BCAR3: variants seen among roughly 807,000 people sequenced by gnomAD.
BCAR3 encodes breast cancer anti-estrogen resistance protein 3.
In BCAR3, 37 loss-of-function variants were observed where a neutral mutation model predicts 80.1. That is an observed-to-expected ratio of 0.46 (90% CI 0.36 to 0.61). The LOEUF is 0.61. Among genes scored for constraint, BCAR3 ranks in the 20% least tolerant of loss-of-function variants. The pLI, the probability that BCAR3 is intolerant of heterozygous loss-of-function variation, is 0.00. For synonymous variants in BCAR3, 389 were observed against 418.9 expected, an observed-to-expected ratio of 0.93 and a Z score of 0.87; for missense variants, 978 against 1,068.2, an observed-to-expected ratio of 0.92 and a Z score of 1.18.
intron 2 of BCAR3, among the ~76,000 whole-genome samples, chr1:93,736,855 G>A (rs908763223): frequency 6.6e-6 from 1 of 152,202 alleles, no homozygotes; most frequent in Non-Finnish European, 1.5e-5. Context: ...CTTTCTGTGT[G>A]CTGGGTTTTG....
At chr1:93,658,600 C>G (rs900675373) in intron 2 of BCAR3, among the ~76,000 whole-genome samples, 1 of 152,010 alleles carries the variant, frequency 6.6e-6, no homozygotes, top group South Asian at 2.1e-4. Flanking sequence ...TGCAGTGAGC[C>G]GAGATGGCAC....
At position 93,575,931 on chromosome 1, in the gene BCAR3, G is replaced by A. The variant is rs547699703; in HGVS notation, c.1802+83C>T. 94 of 1,193,322 alleles carry A rather than the reference G, an allele frequency of 7.9e-5. 1 individual carries two copies. In the African/African-American group the frequency reaches 9.8e-4, roughly 12 times the overall value. 73.9% of individuals were successfully genotyped at this position (1,193,322 alleles called of 1,614,324 possible). Reference sequence around the variant, plus strand: ...TACCCCAGGGCTAGGCTGGTGCTGCGCCTCTCTTTGTTCTAAAACCTGCTG... The same window carrying A: ...TACCCCAGGGCTAGGCTGGTGCTGCACCTCTCTTTGTTCTAAAACCTGCTG... On this transcript the variant is annotated intron_variant, in intron 8 of 11. Coordinates refer to ENST00000260502, the MANE Select transcript of BCAR3 (RefSeq NM_003567.4).
At chr1:93,787,549 G>A (rs772349826) in intron 2 of BCAR3, among the ~76,000 whole-genome samples, 27 of 152,092 alleles carry the variant, frequency 1.8e-4, no homozygotes, top group Non-Finnish European at 2.9e-4. Flanking sequence ...TTTAATTTCC[G>A]TCTTGATTTC....
At chr1:93,696,095 C>T (rs540772412) in intron 3 of BCAR3, among the ~76,000 whole-genome samples, 10 of 151,358 alleles carry the variant, frequency 6.6e-5, no homozygotes, top group African/African-American at 2.4e-4. Flanking sequence ...GGCTGGAGTG[C>T]AGTGGCAAAA....
At chr1:93,768,074 G>T (rs1364168942) in intron 2 of BCAR3, among the ~76,000 whole-genome samples, 1 of 152,160 alleles carries the variant, frequency 6.6e-6, no homozygotes, top group Admixed American at 6.5e-5. Context: ...AGGTACACTT[G>T]GTGAAAATCA....
In BCAR3 at chr1:93,608,466, C is replaced by T. The variant is rs867733825; in HGVS notation, c.358-16073G>A. 5.3e-5 allele frequency among the ~76,000 whole-genome samples: 8 copies of T among 152,226 alleles called. No homozygotes were observed. In the South Asian group the frequency reaches 8.3e-4, roughly 16 times the overall value. On this transcript the variant is annotated intron_variant, in intron 3 of 11. Transcript: ENST00000260502. ...TCCCCCGTGCACTGCTGACCTCTCG[C>T]GCAGGCTGTGCGGGGAGACCTTTGT...
At chr1:93,679,886 T>C (rs577819770) in intron 1 of BCAR3, among the ~76,000 whole-genome samples, 1 of 152,322 alleles carries the variant, frequency 6.6e-6, no homozygotes, top group Non-Finnish European at 1.5e-5. Context: ...CTCATAATGG[T>C]TATCTGATGT....
chr1:93,839,200 G>C (rs1384332163), intron 2 of BCAR3, among the ~76,000 whole-genome samples: 1 of 152,152 alleles, frequency 6.6e-6, no homozygotes, highest in Non-Finnish European at 1.5e-5. Context: ...GGCTGAGGTG[G>C]GAGAATCGCT....
rs58706715 is a variant in BCAR3 at position 93,675,925 on chromosome 1, C to CAAAAAAAAAAAA, written c.-11-996_-11-985dup. Among the ~76,000 whole-genome samples the CAAAAAAAAAAAA allele has an allele frequency of 3.8e-3, 193 of 51,434 alleles. 14 individuals are homozygous for CAAAAAAAAAAAA. Among genetic ancestry groups the CAAAAAAAAAAAA allele is most frequent in the African/African-American group, 8.3e-3 (158 of 19,036 alleles). 33.7% of individuals were successfully genotyped at this position (51,434 alleles called of 152,430 possible). A position where few individuals can be genotyped will look rare whatever the true frequency, so the allele number is the denominator to read the frequency against. ...CACACAGAGGAAAAGAAATAGGAGA[C>CAAAAAAAAAAAA]AAAAAAAAAAAAAAAAAAAAAAAAA... On this transcript the variant is annotated intron_variant, in intron 1 of 11. Coordinates refer to ENST00000260502, the MANE Select transcript of BCAR3 (RefSeq NM_003567.4).
At chr1:93,649,120 A>T (rs2101917409) in intron 2 of BCAR3, among the ~76,000 whole-genome samples, 1 of 152,332 alleles carries the variant, frequency 6.6e-6, no homozygotes, top group African/African-American at 2.4e-5. Context: ...TGCTGGAAGC[A>T]AAGGGCCCTG....
chr1:93,839,129 A>C (rs1654870948), intron 2 of BCAR3, among the ~76,000 whole-genome samples: 1 of 152,174 alleles, frequency 6.6e-6, no homozygotes, highest in South Asian at 2.1e-4. Context: ...CCCCATCTCT[A>C]CTAAAAATAT....
intron 2 of BCAR3, among the ~76,000 whole-genome samples, chr1:93,843,248 C>T (rs1042051580): frequency 1.3e-5 from 2 of 152,136 alleles, no homozygotes; most frequent in Non-Finnish European, 2.9e-5. Context: ...AAATGTACAG[C>T]TGAGTAGGAG....
intron 2 of BCAR3, among the ~76,000 whole-genome samples, chr1:93,734,770 G>A (rs1025234486): frequency 6.6e-5 from 10 of 152,238 alleles, no homozygotes; most frequent in East Asian, 1.9e-4. Context: ...TCAGAATAGC[G>A]GGCACACAGA....
intron 2 of BCAR3, among the ~76,000 whole-genome samples, chr1:93,752,188 G>A (rs1651580663): frequency 6.6e-6 from 1 of 152,234 alleles, no homozygotes. Flanking sequence ...CTACCACAGA[G>A]TGTGAAGGGA....
chr1:93,785,370 C>T (rs1205956037), intron 2 of BCAR3, among the ~76,000 whole-genome samples: 1 of 152,150 alleles, frequency 6.6e-6, no homozygotes, highest in Non-Finnish European at 1.5e-5. Flanking sequence ...AAACAGAAGA[C>T]AGGGTTTTAC....
At chr1:93,845,480 AT>A (rs1655124264) in intron 2 of BCAR3, 1 of 3,542 alleles carries the variant, frequency 2.8e-4, no homozygotes, top group Admixed American at 4.5e-3. Flanking sequence ...ATATATATAT[AT>A]ATATATATAT....
intron 2 of BCAR3, among the ~76,000 whole-genome samples, chr1:93,822,003 G>A (rs1654239511): frequency 6.6e-6 from 1 of 152,104 alleles, no homozygotes; most frequent in Non-Finnish European, 1.5e-5. Context: ...CCACCTGGAG[G>A]CAGGAGCCAA....
intron 2 of BCAR3, among the ~76,000 whole-genome samples, chr1:93,822,342 A>C (rs1282398903): frequency 7.9e-6 from 1 of 126,412 alleles, no homozygotes; most frequent in Non-Finnish European, 1.5e-5. Flanking sequence ...TCGCATGGCT[A>C]ATTTTTTTTT....
intron 2 of BCAR3, 86 bp from the exon 3 acceptor site, chr1:93,642,429 T>A: frequency 7.5e-7 from 1 of 1,331,784 alleles, no homozygotes; most frequent in Non-Finnish European, 1.1e-6. Flanking sequence ...TATTTCACCC[T>A]ATTCACTAAG....
Sources: gnomAD v4.1 joint callset for allele counts (sites outside exome capture counted in the v4.1 genomes callset) on GRCh38, gnomAD v4.1.1 for gene constraint, MANE v1.5 for transcripts, NCBI Gene and HGNC (gene_info 2026-07-23, HGNC 2026-07-21) for gene names.